P4HTM: variants seen among roughly 807,000 people sequenced by gnomAD.
The protein encoded by P4HTM is transmembrane prolyl 4-hydroxylase.
A neutral mutation model predicts 55.3 loss-of-function variants in P4HTM; 33 were observed. The ratio of observed to expected loss-of-function variants is 0.60; its 90% confidence interval spans 0.45 to 0.80. The LOEUF (loss-of-function observed/expected upper bound fraction) is 0.80, where lower values mean the gene tolerates loss of function less well. Among genes scored for constraint, P4HTM ranks in the 30% least tolerant of loss-of-function variants. The pLI is 0.00. For synonymous variants in P4HTM, 272 were observed against 286.4 expected, an observed-to-expected ratio of 0.95 and a Z score of 0.51; for missense variants, 542 against 696.5, an observed-to-expected ratio of 0.78 and a Z score of 2.50.
chr3:49,005,733 C>T, intron 6 of P4HTM, 44 bp from the exon 7 acceptor site: 1 of 1,556,542 alleles, frequency 6.4e-7, no homozygotes, highest in South Asian at 1.2e-5. Flanking sequence ...CCCCTGGGAG[C>T]ATCCACAACT....
In P4HTM at chr3:49,004,876, T is replaced by G; in HGVS notation, c.903T>G (p.Thr301=). 3 of 1,609,720 alleles carry G rather than the reference T, an allele frequency of 1.9e-6. No individual in the cohort carries two copies. The highest frequency in any genetic ancestry group is 2.5e-6 in the Non-Finnish European group (3 of 1,179,258). ...RAIRQRVLRL[T]RLSPEIVELS... ...TGCCCACCAGGGTGCTGCGCCTCACTCGCCTGTCGCCTGAGATCGTGGAGC... is the reference window on the plus strand; with the variant it reads ...TGCCCACCAGGGTGCTGCGCCTCACGCGCCTGTCGCCTGAGATCGTGGAGC... Residue 301 remains threonine (T), a synonymous_variant, in exon 6 of 9, where the codon ACT becomes ACG. Transcript: ENST00000383729.
Position 48,990,693 on chromosome 3 carries a change from C to A in P4HTM, c.354+83C>A. The A allele has an allele frequency of 6.9e-7, 1 of 1,456,294 alleles. No homozygotes were observed. The highest frequency in any genetic ancestry group is 9.1e-7 in the Non-Finnish European group (1 of 1,094,318). 90.2% of individuals were successfully genotyped at this position (1,456,294 alleles called of 1,614,324 possible). A position where few individuals can be genotyped will look rare whatever the true frequency, so the allele number is the denominator to read the frequency against. ...CCGGCGCTCAGCCCGGGTCCCCACG[C>A]TGCCCCCGGCGCTGCTCTGCGTCGG... On this transcript the variant is annotated intron_variant, in intron 1 of 8. Transcript: ENST00000383729. The surrounding 1 kb of genome is among the most constrained non-coding windows in gnomAD (Gnocchi z 7.2).
Position 48,999,038 on chromosome 3 carries a change from G to T in P4HTM, c.437-2400G>T, listed in dbSNP as rs906291647. Reference sequence around the variant, plus strand: ...CCTATCTTGACATTCAAGAGCCCTTGACCACCATTGATGGTCTCCTGCCTA... The same window carrying T: ...CCTATCTTGACATTCAAGAGCCCTTTACCACCATTGATGGTCTCCTGCCTA... On this transcript the variant is annotated intron_variant, in intron 2 of 8. Coordinates refer to ENST00000383729, the MANE Select transcript of P4HTM (RefSeq NM_177939.3). The surrounding 1 kb of genome is among the most constrained non-coding windows in gnomAD (Gnocchi z 4.8). Among the ~76,000 whole-genome samples the T allele has an allele frequency of 6.6e-6, 1 of 152,090 alleles. No individual in the cohort carries two copies. The highest frequency in any genetic ancestry group is 1.5e-5 in the Non-Finnish European group (1 of 68,016).
At chr3:48,991,806 G>A (rs1018560500) in intron 2 of P4HTM, 3 of 152,234 alleles carry the variant, frequency 2.0e-5, no homozygotes, top group Non-Finnish European at 4.4e-5. Context: ...CAGGGTGTTT[G>A]TGTAGCCCAG....
rs1024228056 is a variant in P4HTM, at chr3:48,990,726, C to T, written c.355-107C>T. 1.4e-6 allele frequency: 2 copies of T among 1,474,474 alleles called. No individual in the cohort carries two copies. The highest frequency in any genetic ancestry group is 1.8e-6 in the Non-Finnish European group (2 of 1,090,114). 91.3% of individuals were successfully genotyped at this position (1,474,474 alleles called of 1,614,324 possible). ...GGCGCTGCTCTGCGTCGGTCCCGCGCGCTCCCACTCACTCGCCTGCTGTCG... is the reference window on the plus strand; with the variant it reads ...GGCGCTGCTCTGCGTCGGTCCCGCGTGCTCCCACTCACTCGCCTGCTGTCG... On this transcript the variant is annotated intron_variant, in intron 1 of 8. Transcript: ENST00000383729. The surrounding 1 kb of genome is among the most constrained non-coding windows in gnomAD (Gnocchi z 7.2).
intron 5 of P4HTM, 53 bp downstream of exon 5, chr3:49,004,313 C>T: frequency 1.4e-6 from 2 of 1,481,086 alleles, no homozygotes; most frequent in Non-Finnish European, 1.8e-6. Flanking sequence ...CTGGGCAGGG[C>T]CTCCACAGAA....
Position 49,002,465 on chromosome 3 carries a change from G to A in P4HTM, c.628-35G>A, listed in dbSNP as rs2092963891. 2.7e-6 allele frequency: 4 copies of A among 1,455,550 alleles called. No homozygotes were observed. The East Asian group carries it at 9.1e-5, about 33-fold the overall frequency. The allele number at this position is 1,455,550 out of a possible 1,614,324, so 90.2% of individuals were successfully genotyped here. On this transcript the variant is annotated intron_variant, in intron 3 of 8. Transcript: ENST00000383729. This position sits in a 1 kb window ranked among gnomAD's most constrained non-coding sequence, Gnocchi z 4.4. Reference sequence around the variant, plus strand: ...TGTTCTCTGCTGGCTCTCCATCACTGGGGTCACCCACTGAGGGACCCTCTT... The same window carrying A: ...TGTTCTCTGCTGGCTCTCCATCACTAGGGTCACCCACTGAGGGACCCTCTT...
chr3:49,002,541 T>A lies in P4HTM; in HGVS notation c.669T>A (p.Thr223=), dbSNP rs1335954337. Residue 223 remains threonine (T), a synonymous_variant, in exon 4 of 9, where the codon ACT becomes ACA. Transcript: ENST00000383729. This position sits in a 1 kb window ranked among gnomAD's most constrained non-coding sequence, Gnocchi z 4.4. The part of the protein sequence containing the change: ...QTRLGNGWWM[T]PESIQEMYAA... ...GCCTGGGAAATGGATGGTGGATGAC[T>A]CCAGAGAGCATTCAGGAGATGTACG... 6.2e-7 allele frequency: 1 copy of A among 1,614,142 alleles called. No individual in the cohort carries two copies. Among genetic ancestry groups the A allele is most frequent in the Non-Finnish European group, 8.5e-7 (1 of 1,179,990 alleles).
Position 49,007,132 on chromosome 3 carries a change from A to C in P4HTM, c.*225A>C, listed in dbSNP as rs2092986575. On this transcript the variant is annotated 3_prime_UTR_variant, in exon 9 of 9. Transcript: ENST00000383729. This position sits in a 1 kb window ranked among gnomAD's most constrained non-coding sequence, Gnocchi z 5.1. Reference sequence around the variant, plus strand: ...AAGGTTCGAGCCGCCGGGCCCGACAAACTCCGGGTCGGCGAAACAGAGTCC... The same window carrying C: ...AAGGTTCGAGCCGCCGGGCCCGACACACTCCGGGTCGGCGAAACAGAGTCC... The C allele has an allele frequency of 2.8e-6, 2 of 708,776 alleles. No individual in the cohort carries two copies. The allele number at this position is 708,776 out of a possible 1,614,324, so 43.9% of individuals were successfully genotyped here.
intron 2 of P4HTM, among the ~76,000 whole-genome samples, chr3:48,995,837 C>T (rs1405824723): frequency 2.0e-5 from 3 of 152,192 alleles, no homozygotes; most frequent in Non-Finnish European, 4.4e-5. Flanking sequence ...CCGCCTGCCT[C>T]AGCCTCCCAA....
intron 5 of P4HTM, 116 bp from the exon 6 acceptor site, chr3:49,004,745 T>C (rs1031815642): frequency 6.7e-6 from 7 of 1,050,710 alleles, no homozygotes; most frequent in Non-Finnish European, 7.0e-6. Context: ...TTAAGGGACT[T>C]CCAGGGGAGG....
chr3:48,995,539 T>C (rs1329402296), intron 2 of P4HTM, among the ~76,000 whole-genome samples: 2 of 152,174 alleles, frequency 1.3e-5, no homozygotes, highest in Non-Finnish European at 2.9e-5. Flanking sequence ...GAGGACTGAT[T>C]TGTCTCAGCT....
Position 48,990,989 on chromosome 3 carries a change from C to T in P4HTM, c.436+75C>T. 1 of 1,107,714 alleles carries T rather than the reference C, an allele frequency of 9.0e-7. No individual in the cohort carries two copies. The allele number at this position is 1,107,714 out of a possible 1,614,324, so 68.6% of individuals were successfully genotyped here. A position where few individuals can be genotyped will look rare whatever the true frequency, so the allele number is the denominator to read the frequency against. On this transcript the variant is annotated intron_variant, in intron 2 of 8. Coordinates refer to ENST00000383729, the MANE Select transcript of P4HTM (RefSeq NM_177939.3). This position sits in a 1 kb window ranked among gnomAD's most constrained non-coding sequence, Gnocchi z 7.2. ...GCCACCTTGAGGCTCGTTGTGACCACGTGACCTCTATTTTGAAAATGGCTG... is the reference window on the plus strand; with the variant it reads ...GCCACCTTGAGGCTCGTTGTGACCATGTGACCTCTATTTTGAAAATGGCTG...
chr3:49,003,986 T>C, intron 4 of P4HTM, 112 bp from the exon 5 acceptor site: 8 of 1,035,214 alleles, frequency 7.7e-6, no homozygotes, highest in Non-Finnish European at 1.1e-5. Flanking sequence ...GGCCCCTCAG[T>C]GCCTGAGGTC....
chr3:49,006,304 C>A, intron 8 of P4HTM, 117 bp downstream of exon 8: 1 of 1,151,606 alleles, frequency 8.7e-7, no homozygotes, highest in Non-Finnish European at 1.2e-6. Flanking sequence ...GTTTTCTGCT[C>A]CTGGTGCCTC....
chr3:48,999,336 A>ACTG lies in P4HTM; in HGVS notation c.437-2098_437-2096dup, dbSNP rs1339841853. Reference sequence around the variant, plus strand: ...GCAAGCAGGAGCAGCCAGCTGACCAACTGCTGGATGGCCTCAGCTGCTGTG... The same window carrying ACTG: ...GCAAGCAGGAGCAGCCAGCTGACCAACTGCTGCTGGATGGCCTCAGCTGCTGTG... On this transcript the variant is annotated intron_variant, in intron 2 of 8. Transcript: ENST00000383729. The surrounding 1 kb of genome is among the most constrained non-coding windows in gnomAD (Gnocchi z 4.8). The ACTG allele has an allele frequency of 6.5e-6, 1 of 154,306 alleles. No homozygotes were observed. The highest frequency in any genetic ancestry group is 1.5e-5 in the Non-Finnish European group (1 of 68,158). The allele number at this position is 154,306 out of a possible 1,614,324, so 9.6% of individuals were successfully genotyped here. A position where few individuals can be genotyped will look rare whatever the true frequency, so the allele number is the denominator to read the frequency against.
At chr3:48,991,733 C>G (rs1417590842) in intron 2 of P4HTM, 1 of 152,256 alleles carries the variant, frequency 6.6e-6, no homozygotes, top group Non-Finnish European at 1.5e-5. Flanking sequence ...GTGAAGACCC[C>G]AGAGTCCTTC....
In P4HTM at chr3:49,002,458, C is replaced by T. The variant is rs1176935492; in HGVS notation, c.628-42C>T. On this transcript the variant is annotated intron_variant, in intron 3 of 8. Coordinates refer to ENST00000383729, the MANE Select transcript of P4HTM (RefSeq NM_177939.3). This position sits in a 1 kb window ranked among gnomAD's most constrained non-coding sequence, Gnocchi z 4.4. ...GGCCATCTGTTCTCTGCTGGCTCTC[C>T]ATCACTGGGGTCACCCACTGAGGGA... 1 of 1,410,974 alleles carries T rather than the reference C, an allele frequency of 7.1e-7. No individual in the cohort carries two copies. The highest frequency in any genetic ancestry group is 1.0e-6 in the Non-Finnish European group (1 of 996,530). 87.4% of individuals were successfully genotyped at this position (1,410,974 alleles called of 1,614,324 possible).
In P4HTM at chr3:49,007,130, C is replaced by A; in HGVS notation, c.*223C>A. 1.4e-6 allele frequency: 1 copy of A among 707,362 alleles called. No homozygotes were observed. The highest frequency in any genetic ancestry group is 2.3e-6 in the Non-Finnish European group (1 of 435,826). The allele number at this position is 707,362 out of a possible 1,614,324, so 43.8% of individuals were successfully genotyped here. ...ACAAGGTTCGAGCCGCCGGGCCCGACAAACTCCGGGTCGGCGAAACAGAGT... is the reference window on the plus strand; with the variant it reads ...ACAAGGTTCGAGCCGCCGGGCCCGAAAAACTCCGGGTCGGCGAAACAGAGT... On this transcript the variant is annotated 3_prime_UTR_variant, in exon 9 of 9. Coordinates refer to ENST00000383729, the MANE Select transcript of P4HTM (RefSeq NM_177939.3). This position sits in a 1 kb window ranked among gnomAD's most constrained non-coding sequence, Gnocchi z 5.1.
Sources: gnomAD v4.1 joint callset for allele counts (sites outside exome capture counted in the v4.1 genomes callset) on GRCh38, gnomAD v4.1.1 for gene constraint, Gnocchi (gnomAD v3.1) non-coding constraint, MANE v1.5 for transcripts, NCBI Gene and HGNC (gene_info 2026-07-23, HGNC 2026-07-21) for gene names.